PAFAH1B1: variants seen among roughly 807,000 people sequenced by gnomAD.
PAFAH1B1 encodes platelet activating factor acetylhydrolase 1b regulatory subunit 1.
PAFAH1B1 carries 2 observed loss-of-function variants against 57.5 expected under a neutral mutation model. The observed-to-expected ratio is 0.03, with a 90% CI of 0.01 to 0.11. The LOEUF is 0.11. Among genes scored for constraint, PAFAH1B1 ranks in the 10% least tolerant of loss-of-function variants. The pLI, the probability that PAFAH1B1 is intolerant of heterozygous loss-of-function variation, is 1.00. For missense variants in PAFAH1B1, 257 were observed against 512.0 expected, an observed-to-expected ratio of 0.50 and a Z score of 4.81; for synonymous variants, 152 against 169.6, an observed-to-expected ratio of 0.90 and a Z score of 0.81.
intron 10 of PAFAH1B1, 84 bp from the exon 11 acceptor site, chr17:2,681,645 G>C (rs900771122): frequency 1.9e-6 from 2 of 1,049,068 alleles, no homozygotes; most frequent in African/African-American, 3.2e-5. Context: ...TTTTAATTTT[G>C]TATTTTGTAG....
At chr17:2,664,814 T>G (rs1181635488) in intron 2 of PAFAH1B1, among the ~76,000 whole-genome samples, 1 of 152,180 alleles carries the variant, frequency 6.6e-6, no homozygotes, top group Non-Finnish European at 1.5e-5. Context: ...CTTCAAGTTC[T>G]AATTCTAAAT....
At chr17:2,614,030 T>TTTG (rs1555521521) in intron 1 of PAFAH1B1, 3 of 143,900 alleles carry the variant, frequency 2.1e-5, no homozygotes, top group African/African-American at 8.2e-5. Context: ...GGTTTTTTTT[T>TTTG]TTTTTTTTTT....
At chr17:2,653,704 GACTATA>G (rs1371945256) in intron 2 of PAFAH1B1, among the ~76,000 whole-genome samples, 6 of 152,096 alleles carry the variant, frequency 3.9e-5, no homozygotes, top group Non-Finnish European at 8.8e-5. Flanking sequence ...GTTGAAATAA[GACTATA>G]ACTATAATCT....
At chr17:2,638,492 G>A (rs2068652267) in intron 2 of PAFAH1B1, 172 bp downstream of exon 2, 1 of 585,110 alleles carries the variant, frequency 1.7e-6, no homozygotes, top group Non-Finnish European at 3.1e-6. Flanking sequence ...TTATGATATA[G>A]CATTATTTTT....
At chr17:2,619,153 T>C (rs2068386514) in intron 1 of PAFAH1B1, among the ~76,000 whole-genome samples, 1 of 151,958 alleles carries the variant, frequency 6.6e-6, no homozygotes, top group Non-Finnish European at 1.5e-5. Context: ...TTGTTATTTT[T>C]CTTTATTTAT....
chr17:2,651,245 C>T (rs549489667), intron 2 of PAFAH1B1, among the ~76,000 whole-genome samples: 1 of 152,064 alleles, frequency 6.6e-6, no homozygotes, highest in South Asian at 2.1e-4. Context: ...TTTCAGGAGT[C>T]AGAAGAACAT....
chr17:2,636,074 A>G (rs1393123382), intron 1 of PAFAH1B1, among the ~76,000 whole-genome samples: 1 of 152,128 alleles, frequency 6.6e-6, no homozygotes, highest in Non-Finnish European at 1.5e-5. Context: ...CTGCCACTGT[A>G]CGCCAGCCTG....
At chr17:2,653,760 T>G (rs1182468313) in intron 2 of PAFAH1B1, among the ~76,000 whole-genome samples, 1 of 152,184 alleles carries the variant, frequency 6.6e-6, no homozygotes, top group African/African-American at 2.4e-5. Context: ...AGCTATATAT[T>G]TTCATTGATT....
chr17:2,651,727 G>A (rs913436282), intron 2 of PAFAH1B1, among the ~76,000 whole-genome samples: 8 of 152,128 alleles, frequency 5.3e-5, no homozygotes, highest in Non-Finnish European at 8.8e-5. Context: ...ATTTGGGAAT[G>A]GAGTGAGTGA....
intron 1 of PAFAH1B1, among the ~76,000 whole-genome samples, chr17:2,604,793 C>T (rs1263107633): frequency 6.6e-6 from 1 of 151,754 alleles, no homozygotes; most frequent in Non-Finnish European, 1.5e-5. Context: ...TGCTGAGCGA[C>T]AGCAAGACTC....
intron 1 of PAFAH1B1, among the ~76,000 whole-genome samples, chr17:2,617,363 A>G (rs1445062355): frequency 6.6e-6 from 1 of 152,170 alleles, no homozygotes; most frequent in Non-Finnish European, 1.5e-5. Context: ...TTGGATGGGT[A>G]ACTTAAATCT....
rs71377513 is a variant in PAFAH1B1, at chr17:2,595,421, C to CTTTT, written c.-191+1428_-191+1431dup. ...TCCCTTTTTGCCACAGGAGTGTTTG[C>CTTTT]TTTTTTTTTTTTTTTTGCTGCAGCA... On this transcript the variant is annotated intron_variant, in intron 1 of 10. Transcript: ENST00000397195. 6.0e-4 allele frequency among the ~76,000 whole-genome samples: 75 copies of CTTTT among 124,066 alleles called. 3 individuals are homozygous for CTTTT. The highest frequency in any genetic ancestry group is 8.9e-4 in the Non-Finnish European group (53 of 59,342). The allele number at this position is 124,066 out of a possible 152,430, so 81.4% of individuals were successfully genotyped here. A position where few individuals can be genotyped will look rare whatever the true frequency, so the allele number is the denominator to read the frequency against.
chr17:2,606,787 A>G (rs910600624), intron 1 of PAFAH1B1, among the ~76,000 whole-genome samples: 6 of 127,104 alleles, frequency 4.7e-5, no homozygotes, highest in Non-Finnish European at 1.0e-4. Context: ...AGATGTTAAC[A>G]TTTTGTCATA....
intron 2 of PAFAH1B1, among the ~76,000 whole-genome samples, chr17:2,658,122 G>A (rs2068962761): frequency 6.6e-6 from 1 of 152,198 alleles, no homozygotes; most frequent in South Asian, 2.1e-4. Flanking sequence ...AAACGTAGCT[G>A]ACCTCTGGCC....
intron 1 of PAFAH1B1, among the ~76,000 whole-genome samples, chr17:2,595,502 C>T (rs750933565): frequency 1.7e-4 from 25 of 148,624 alleles, no homozygotes; most frequent in South Asian, 1.1e-3. Context: ...TTCCTGTTGA[C>T]TGTGTCATAG....
rs7223411 is a variant in PAFAH1B1, at chr17:2,673,883, A to T, written c.672-177A>T. 103,061 of 596,400 alleles carry T rather than the reference A, an allele frequency of 0.17. 11,081 individuals are homozygous for T. The highest frequency in any genetic ancestry group is 0.22 in the Non-Finnish European group (72,746 of 327,456). The allele number at this position is 596,400 out of a possible 1,614,324, so 36.9% of individuals were successfully genotyped here. On this transcript the variant is annotated intron_variant, in intron 7 of 10. Coordinates refer to ENST00000397195, the MANE Select transcript of PAFAH1B1 (RefSeq NM_000430.4). The stretch of plus-strand genomic sequence containing the variant: ...TGTTGATTTTATTAGCTCCTTAATG[A>T]TATGTCTGTTAGCTTATTGTTCCTA...
At chr17:2,597,058 C>T (rs895510917) in intron 1 of PAFAH1B1, among the ~76,000 whole-genome samples, 1 of 151,996 alleles carries the variant, frequency 6.6e-6, no homozygotes, top group Non-Finnish European at 1.5e-5. Context: ...AAGACTCTGT[C>T]AAAAACAAAC....
At chr17:2,672,851 C>T in intron 7 of PAFAH1B1, 94 bp downstream of exon 7, 1 of 778,112 alleles carries the variant, frequency 1.3e-6, no homozygotes, top group Non-Finnish European at 2.3e-6. Context: ...GGGCAGATCA[C>T]CTGGTCAGGA....
intron 6 of PAFAH1B1, 129 bp downstream of exon 6, chr17:2,670,460 C>T: frequency 2.2e-6 from 2 of 916,174 alleles, no homozygotes; most frequent in South Asian, 1.4e-5. Flanking sequence ...AAGAGCATAC[C>T]ATGTAGATAG....
Sources: allele counts gnomAD v4.1 joint callset (sites outside exome capture counted in the v4.1 genomes callset), GRCh38; gene constraint gnomAD v4.1.1; transcripts MANE v1.5; gene names NCBI Gene and HGNC (gene_info 2026-07-23, HGNC 2026-07-21).